The following NRXN3 variants were observed in gnomAD, a reference collection of about 807,000 sequenced individuals.
NRXN3 encodes neurexin III.
Under a neutral mutation model 137.6 loss-of-function variants are expected in NRXN3, and 32 were observed. The observed-to-expected ratio is 0.23, with a 90% CI of 0.18 to 0.31. The LOEUF is 0.31. Among genes scored for constraint, NRXN3 ranks in the 10% least tolerant of loss-of-function variants. The pLI, the probability that NRXN3 is intolerant of heterozygous loss-of-function variation, is 1.00. For synonymous variants in NRXN3, 798 were observed against 784.5 expected (o/e 1.02, Z -0.29); for missense variants, 1,574 against 2,062.5 (o/e 0.76, Z 4.59).
chr14:78,611,145 G>A (rs2097297122), intron 4 of NRXN3, among the ~76,000 whole-genome samples: 1 of 152,078 alleles, frequency 6.6e-6, no homozygotes, highest in South Asian at 2.1e-4. Flanking sequence ...GCTGAAAAAT[G>A]GCAGCTAAAT....
chr14:78,981,257 A>G (rs1248242743), intron 14 of NRXN3, among the ~76,000 whole-genome samples: 1 of 152,212 alleles, frequency 6.6e-6, no homozygotes, highest in Non-Finnish European at 1.5e-5. Context: ...ACAAAAACAA[A>G]TCCTTACATC....
chr14:79,597,567 G>C (rs1324155457), intron 16 of NRXN3, among the ~76,000 whole-genome samples: 3 of 152,144 alleles, frequency 2.0e-5, no homozygotes, highest in Non-Finnish European at 4.4e-5. Flanking sequence ...TATGTCTTAT[G>C]TCCCATTTGT....
At chr14:78,917,161 C>T (rs532741275) in intron 10 of NRXN3, among the ~76,000 whole-genome samples, 2 of 152,046 alleles carry the variant, frequency 1.3e-5, no homozygotes, top group East Asian at 1.9e-4. Flanking sequence ...TAAGAATATT[C>T]GATTAACTGG....
At chr14:79,627,434 T>G (rs934144708) in intron 16 of NRXN3, among the ~76,000 whole-genome samples, 1 of 152,184 alleles carries the variant, frequency 6.6e-6, no homozygotes, top group Non-Finnish European at 1.5e-5. Flanking sequence ...GAGTTCTATC[T>G]TGGTGCATTC....
At chr14:79,809,353 G>T (rs2099223108) in intron 20 of NRXN3, among the ~76,000 whole-genome samples, 2 of 152,148 alleles carry the variant, frequency 1.3e-5, no homozygotes, top group Non-Finnish European at 2.9e-5. Flanking sequence ...TGGCCAGGCT[G>T]GTCTCAAACT....
At chr14:78,488,973 C>T (rs372617798) in intron 4 of NRXN3, among the ~76,000 whole-genome samples, 7 of 152,108 alleles carry the variant, frequency 4.6e-5, no homozygotes, top group Admixed American at 6.5e-5. Flanking sequence ...AGAGAGTTCA[C>T]GCTTTTCCCT....
At chr14:79,756,785 A>G (rs1057294399) in intron 19 of NRXN3, among the ~76,000 whole-genome samples, 1 of 152,236 alleles carries the variant, frequency 6.6e-6, no homozygotes, top group Non-Finnish European at 1.5e-5. Flanking sequence ...CAAAATCTAT[A>G]AGCCCACTCA....
At chr14:78,438,884 T>C (rs939578368) in intron 4 of NRXN3, among the ~76,000 whole-genome samples, 2 of 151,862 alleles carry the variant, frequency 1.3e-5, no homozygotes, top group Admixed American at 6.6e-5. Context: ...GAGCTCAAGC[T>C]GAAGCCTGGG....
chr14:78,347,083 C>A (rs1229766481), intron 4 of NRXN3, among the ~76,000 whole-genome samples: 1 of 152,136 alleles, frequency 6.6e-6, no homozygotes, highest in East Asian at 1.9e-4. Context: ...TTTATTAACC[C>A]CCTGAAGTTA....
intron 15 of NRXN3, among the ~76,000 whole-genome samples, chr14:79,303,837 G>A (rs113853575): frequency 4.2e-4 from 64 of 152,082 alleles, no homozygotes; most frequent in African/African-American, 1.4e-3. Flanking sequence ...CTCTGCCTTA[G>A]GCCTTTAAAG....
At chr14:78,555,110 T>C (rs773271926) in intron 4 of NRXN3, among the ~76,000 whole-genome samples, 3 of 152,178 alleles carry the variant, frequency 2.0e-5, no homozygotes, top group Non-Finnish European at 4.4e-5. Context: ...AGATCACTAA[T>C]GGCATTCACT....
At chr14:78,356,557 G>A (rs1357790413) in intron 4 of NRXN3, among the ~76,000 whole-genome samples, 2 of 152,094 alleles carry the variant, frequency 1.3e-5, no homozygotes, top group Non-Finnish European at 2.9e-5. Context: ...CTCATTCCTC[G>A]GGGTAATCAA....
chr14:79,269,587 G>T (rs1166319003), intron 15 of NRXN3, among the ~76,000 whole-genome samples: 1 of 152,174 alleles, frequency 6.6e-6, no homozygotes, highest in African/African-American at 2.4e-5. Flanking sequence ...TAGTTCTGCA[G>T]TCTGTCCCAC....
chr14:79,003,828 T>G (rs527667747), intron 15 of NRXN3, among the ~76,000 whole-genome samples: 1 of 152,288 alleles, frequency 6.6e-6, no homozygotes, highest in East Asian at 1.9e-4. Flanking sequence ...CATTAGGGGA[T>G]TCGACCAAAA....
chr14:79,505,305 T>C (rs989202295), intron 16 of NRXN3, among the ~76,000 whole-genome samples: 1 of 151,986 alleles, frequency 6.6e-6, no homozygotes, highest in African/African-American at 2.4e-5. Context: ...ATCTCACTCA[T>C]ATACACAGTC....
At chr14:79,048,408 C>G (rs895486175) in intron 15 of NRXN3, among the ~76,000 whole-genome samples, 4 of 152,066 alleles carry the variant, frequency 2.6e-5, no homozygotes, top group African/African-American at 9.7e-5. Flanking sequence ...AAGTTTGGCT[C>G]CAGACCCCAT....
At chr14:78,371,114 C>T (rs759231) in intron 4 of NRXN3, among the ~76,000 whole-genome samples, 149,064 of 152,250 alleles carry the variant, frequency 0.98, 73,022 homozygotes, top group Non-Finnish European at 1. Context: ...TGGAAACTGC[C>T]GCCCTAAATG....
intron 19 of NRXN3, among the ~76,000 whole-genome samples, chr14:79,716,699 A>G (rs950397796): frequency 2.0e-5 from 3 of 152,110 alleles, no homozygotes; most frequent in Non-Finnish European, 4.4e-5. Flanking sequence ...GCCCAATTCA[A>G]TTCACAGATG....
intron 4 of NRXN3, among the ~76,000 whole-genome samples, chr14:78,546,242 T>A (rs1001643701): frequency 2.0e-5 from 3 of 152,372 alleles, no homozygotes; most frequent in Non-Finnish European, 4.4e-5. Context: ...ATTGCTTTTT[T>A]AAATTGTGCC....
Sources: gnomAD v4.1 joint callset for allele counts (sites outside exome capture counted in the v4.1 genomes callset) on GRCh38, gnomAD v4.1.1 for gene constraint, MANE v1.5 for transcripts, NCBI Gene and HGNC (gene_info 2026-07-23, HGNC 2026-07-21) for gene names.